ANKRD50: variants seen among roughly 807,000 people sequenced by gnomAD.
The protein encoded by ANKRD50 is ankyrin repeat domain 50.
A neutral mutation model predicts 112.0 loss-of-function variants in ANKRD50; 40 were observed. That is an observed-to-expected ratio of 0.36 (90% CI 0.28 to 0.46). The LOEUF is 0.46. Among genes scored for constraint, ANKRD50 ranks in the 20% least tolerant of loss-of-function variants. ANKRD50 has a pLI of 1.00. For synonymous variants in ANKRD50, 613 were observed against 619.1 expected, an observed-to-expected ratio of 0.99 and a Z score of 0.15; for missense variants, 1,487 against 1,701.7, an observed-to-expected ratio of 0.87 and a Z score of 2.22.
chr4:124,690,020 T>C (rs1725099688), intron 2 of ANKRD50, among the ~76,000 whole-genome samples: 1 of 152,182 alleles, frequency 6.6e-6, no homozygotes, highest in Non-Finnish European at 1.5e-5. Context: ...ATTCTTACCA[T>C]ACTCCAAAGT....
chr4:124,710,681 T>C lies in ANKRD50; in HGVS notation c.-170A>G, dbSNP rs1725609994. On this transcript the variant is annotated 5_prime_UTR_variant, in exon 2 of 5. Transcript: ENST00000504087. ...GTCAACAGAACGTGCATGACTTTAT[T>C]TGGTTCCTTATTCTTGATCAGCAGT... The C allele has an allele frequency of 3.8e-6, 3 of 795,636 alleles. No homozygotes were observed. The highest frequency in any genetic ancestry group is 5.9e-6 in the Non-Finnish European group (3 of 506,644). 49.3% of individuals were successfully genotyped at this position (795,636 alleles called of 1,614,324 possible).
At chr4:124,676,195 G>A (rs1730770205) in intron 3 of ANKRD50, among the ~76,000 whole-genome samples, 1 of 151,844 alleles carries the variant, frequency 6.6e-6, no homozygotes, top group East Asian at 1.9e-4. Context: ...TTATGTTTAT[G>A]AGTAGAAAGA....
intron 2 of ANKRD50, among the ~76,000 whole-genome samples, chr4:124,685,615 G>C (rs566632437): frequency 1.3e-5 from 2 of 151,770 alleles, no homozygotes; most frequent in South Asian, 4.2e-4. Context: ...AATGACAGTC[G>C]GTTATCACAA....
Position 124,667,519 on chromosome 4 carries a change from T to C in ANKRD50, c.*4-5A>G, listed in dbSNP as rs543159267. The C allele has an allele frequency of 2.0e-5, 3 of 152,168 alleles. No homozygotes were observed. In the South Asian group the frequency reaches 6.2e-4, roughly 32 times the overall value. The allele number at this position is 152,168 out of a possible 1,614,324, so 9.4% of individuals were successfully genotyped here. Reference sequence around the variant, plus strand: ...TCTGTTTCACAGAATAGGAAACTAATGCAAAAGTTAAAAAAAAATTATTTT... The same window carrying C: ...TCTGTTTCACAGAATAGGAAACTAACGCAAAAGTTAAAAAAAAATTATTTT... On this transcript the variant is annotated splice_region_variant and splice_polypyrimidine_tract_variant and intron_variant, in intron 4 of 4. Transcript: ENST00000504087.
chr4:124,702,013 T>TA (rs1369332876), intron 2 of ANKRD50, among the ~76,000 whole-genome samples: 1 of 152,210 alleles, frequency 6.6e-6, no homozygotes, highest in African/African-American at 2.4e-5. Flanking sequence ...AAGGTTTTAT[T>TA]AAATGCTAAG....
At position 124,672,442 on chromosome 4, in the gene ANKRD50, C is replaced by G. The variant is rs746862291; in HGVS notation, c.835G>C (p.Ala279Pro). The stretch of plus-strand genomic sequence containing the variant: ...TCTTTTGTGAGGTGTTGTCGCAAAG[C>G]TTCTTCTTGATCTAAACGATGAAGA... ...YILHRLDQEE[A>P]LRQHLTKETA... Residue 279 changes from alanine to proline, a missense_variant, in exon 4 of 5, where the codon GCT (alanine) becomes CCT (proline). Ala to Pro is a conservative substitution (Grantham distance 27, BLOSUM62 -1). Around this residue, in one of 2 missense-constraint regions of ANKRD50, gnomAD observed 1,046 missense variants for 1,269.5 expected, o/e 0.82. Transcript: ENST00000504087. 1 of 1,612,748 alleles carries G rather than the reference C, an allele frequency of 6.2e-7. No individual in the cohort carries two copies. Among genetic ancestry groups the G allele is most frequent in the South Asian group, 1.1e-5 (1 of 90,906 alleles).
intron 2 of ANKRD50, among the ~76,000 whole-genome samples, chr4:124,698,916 A>C (rs1725320199): frequency 6.6e-6 from 1 of 152,202 alleles, no homozygotes; most frequent in South Asian, 2.1e-4. Flanking sequence ...CAGACTGAAC[A>C]CATCTGTGAT....
intron 2 of ANKRD50, among the ~76,000 whole-genome samples, chr4:124,685,059 T>C (rs1724976011): frequency 6.6e-6 from 1 of 152,168 alleles, no homozygotes; most frequent in African/African-American, 2.4e-5. Context: ...CCATTACTGT[T>C]CCTGCAATTG....
In ANKRD50 at chr4:124,695,105, C is replaced by T. The variant is rs141033443; in HGVS notation, c.512+14895G>A. 4.3e-4 allele frequency among the ~76,000 whole-genome samples: 65 copies of T among 152,190 alleles called. 2 individuals are homozygous for T. The East Asian group carries it at 0.011, about 26-fold the overall frequency. On this transcript the variant is annotated intron_variant, in intron 2 of 4. Coordinates refer to ENST00000504087, the MANE Select transcript of ANKRD50 (RefSeq NM_020337.3). ...GCCAGAGAAATCTTGTTTATAGAAA[C>T]TTCTACTGCCAGATAAAATGTAGTA...
chr4:124,705,808 CAA>C (rs1578595519), intron 2 of ANKRD50, among the ~76,000 whole-genome samples: 1 of 152,132 alleles, frequency 6.6e-6, no homozygotes, highest in East Asian at 1.9e-4. Context: ...GTAAAATATA[CAA>C]AGTTTTGCAC....
chr4:124,684,888 CT>C (rs1400055917), intron 2 of ANKRD50, among the ~76,000 whole-genome samples: 4 of 151,912 alleles, frequency 2.6e-5, no homozygotes, highest in African/African-American at 9.7e-5. Context: ...AAGCTTTTTT[CT>C]TTTTCCCCCC....
rs756226188 is a variant in ANKRD50, at chr4:124,670,703, C to T, written c.2574G>A (p.Gly858=). 1.9e-6 allele frequency: 3 copies of T among 1,613,184 alleles called. No homozygotes were observed. In the East Asian group the frequency reaches 6.7e-5, roughly 36 times the overall value. ...WTPLHMAAFE[G]HRLICEALIE... ...TAAGTGCTTCACATATCAATCTGTG[C>T]CCTTCAAAAGCTGCCATGTGCAAAG... The change falls in exon 4 of 5, where the codon GGG becomes GGA. Residue 858 remains glycine (G), a synonymous_variant. Coordinates refer to ENST00000504087, the MANE Select transcript of ANKRD50 (RefSeq NM_020337.3).
chr4:124,671,260 C>T lies in ANKRD50; in HGVS notation c.2017G>A (p.Ala673Thr). ...AAAGCAGTTCTACCTTCATTATCAG[C>T]TTTGTTCACTTCAGCGCCATGTTGT... The part of the protein sequence containing the change: ...LLQHGAEVNK[A>T]DNEGRTALIA... The change falls in exon 4 of 5, where the codon GCT becomes ACT. Residue 673 changes from alanine to threonine, a missense_variant. Physicochemically the swap from Ala to Thr is moderately conservative, Grantham distance 58 (BLOSUM62 0). Around this residue, in one of 2 missense-constraint regions of ANKRD50, gnomAD observed 1,046 missense variants for 1,269.5 expected, o/e 0.82. Coordinates refer to ENST00000504087, the MANE Select transcript of ANKRD50 (RefSeq NM_020337.3). 1 of 1,613,798 alleles carries T rather than the reference C, an allele frequency of 6.2e-7. No homozygotes were observed. The highest frequency in any genetic ancestry group is 8.5e-7 in the Non-Finnish European group (1 of 1,179,792).
At chr4:124,686,774 G>A (rs1446276979) in intron 2 of ANKRD50, among the ~76,000 whole-genome samples, 1 of 152,132 alleles carries the variant, frequency 6.6e-6, no homozygotes, top group Non-Finnish European at 1.5e-5. Context: ...AGAAGATATT[G>A]AGAAAATCCA....
Position 124,669,885 on chromosome 4 carries a change from A to C in ANKRD50, c.3392T>G (p.Leu1131Ter). 1 of 1,613,294 alleles carries C rather than the reference A, an allele frequency of 6.2e-7. No individual in the cohort carries two copies. Residue 1131 changes from leucine (L) to a stop codon, truncating the protein, a stop_gained, in exon 4 of 5, where the codon TTA (leucine) becomes TGA (stop). Transcript: ENST00000504087. LOFTEE classifies it high-confidence loss of function. ...LQSLSSKVQS[L>*]TIKSNSSGST... ...ACCAGAGCTATTTGATTTAATTGTTAATGACTGCACTTTTGAAGACAATGA... is the reference window on the plus strand; with the variant it reads ...ACCAGAGCTATTTGATTTAATTGTTCATGACTGCACTTTTGAAGACAATGA...
chr4:124,674,283 A>G (rs143326597), intron 3 of ANKRD50, among the ~76,000 whole-genome samples: 175 of 152,096 alleles, frequency 1.2e-3, no homozygotes, highest in African/African-American at 4.1e-3. Context: ...TACATGAAAG[A>G]TAATACATTA....
chr4:124,699,948 G>A (rs2110525087), intron 2 of ANKRD50, among the ~76,000 whole-genome samples: 1 of 152,110 alleles, frequency 6.6e-6, no homozygotes, highest in South Asian at 2.1e-4. Flanking sequence ...AAGAGGACAA[G>A]AAAAGCAAAT....
At chr4:124,707,163 T>G (rs1273707904) in intron 2 of ANKRD50, among the ~76,000 whole-genome samples, 2 of 152,120 alleles carry the variant, frequency 1.3e-5, no homozygotes, top group South Asian at 2.1e-4. Flanking sequence ...TGCTTACATT[T>G]ATATTTAATC....
Position 124,670,975 on chromosome 4 carries a change from G to A in ANKRD50, c.2302C>T (p.Leu768=), listed in dbSNP as rs758852767. Residue 768 remains leucine (L), a synonymous_variant, in exon 4 of 5, where the codon CTA becomes TTA. Coordinates refer to ENST00000504087, the MANE Select transcript of ANKRD50 (RefSeq NM_020337.3). ...EGHVDVVDLL[L]EGGADVDHTD... is the part of the protein sequence containing the mutation. ...TGATCTACATCTGCTCCCCCTTCTA[G>A]AAGCAAGTCAACCACATCAACATGT... is the stretch of plus-strand genomic sequence containing the variant. 5.0e-6 allele frequency: 8 copies of A among 1,613,810 alleles called. No homozygotes were observed. The highest frequency in any genetic ancestry group is 6.8e-6 in the Non-Finnish European group (8 of 1,179,868).
Sources: gnomAD v4.1 joint callset for allele counts (sites outside exome capture counted in the v4.1 genomes callset) on GRCh38, gnomAD v4.1.1 for gene constraint, gnomAD v4.1.1 regional missense constraint, MANE v1.5 for transcripts, NCBI Gene and HGNC (gene_info 2026-07-23, HGNC 2026-07-21) for gene names.